The following IL4R variants were observed in gnomAD, a reference collection of about 807,000 sequenced individuals.
IL4R encodes the protein interleukin-4 receptor subunit alpha.
Under a neutral mutation model 41.5 loss-of-function variants are expected in IL4R, and 17 were observed. The ratio of observed to expected loss-of-function variants is 0.41; its 90% CI spans 0.28 to 0.61. IL4R has a LOEUF of 0.61. IL4R is among the 20% of genes least tolerant of loss of function. IL4R has a pLI of 0.31. For missense variants in IL4R, 974 were observed against 1,043.1 expected (o/e 0.93, Z 0.91); for synonymous variants, 402 against 422.9 (o/e 0.95, Z 0.61).
Position 27,355,970 on chromosome 16 carries a change from C to G in IL4R, c.770+63C>G, listed in dbSNP as rs1335924037. On this transcript the variant is annotated intron_variant, in intron 8 of 10. Coordinates refer to ENST00000395762, the MANE Select transcript of IL4R (RefSeq NM_000418.4). The stretch of plus-strand genomic sequence containing the variant: ...GGAGTGCAGGGTGGCAGGGACTTGC[C>G]CCTCTAGTCTGCCCCTTTGCAGTCC... The G allele has an allele frequency of 3.6e-6, 4 of 1,120,164 alleles. No individual in the cohort carries two copies. In the East Asian group the frequency reaches 7.0e-5, roughly 20 times the overall value. 69.4% of individuals were successfully genotyped at this position (1,120,164 alleles called of 1,614,324 possible). A position where few individuals can be genotyped will look rare whatever the true frequency, so the allele number is the denominator to read the frequency against.
intron 1 of IL4R, among the ~76,000 whole-genome samples, chr16:27,322,103 G>GTTT (rs10631013): frequency 0.01 from 1,503 of 145,178 alleles, 30 homozygotes; most frequent in African/African-American, 0.034. Flanking sequence ...TCACTATGTG[G>GTTT]TTTTTTTTTT....
rs574261130 is a variant in IL4R, at chr16:27,347,537, C to A, written c.513+919C>A. Among the ~76,000 whole-genome samples, 105 of 152,248 alleles carry A rather than the reference C, an allele frequency of 6.9e-4. 1 individual carries two copies. The highest frequency in any genetic ancestry group is 2.1e-3 in the African/African-American group (86 of 41,538). ...CATGTATTGACATCTTTAAAAAGGG[C>A]GAGAGGATTTACAGGAAACTATCAG... On this transcript the variant is annotated intron_variant, in intron 6 of 10. Coordinates refer to ENST00000395762, the MANE Select transcript of IL4R (RefSeq NM_000418.4).
At chr16:27,346,401 G>A (rs201608794) in intron 5 of IL4R, 66 bp from the exon 6 acceptor site, 247 of 1,564,280 alleles carry the variant, frequency 1.6e-4, no homozygotes, top group Middle Eastern at 3.9e-4. Flanking sequence ...TTTGTAGGCC[G>A]GGGCTGGGCT....
chr16:27,332,629 G>T (rs1237719131), intron 2 of IL4R, among the ~76,000 whole-genome samples: 6 of 151,740 alleles, frequency 4.0e-5, no homozygotes, highest in African/African-American at 1.2e-4. Flanking sequence ...ACCAATTTTT[G>T]ATTTCATTGA....
At chr16:27,316,203 C>CA (rs919180449) in intron 1 of IL4R, among the ~76,000 whole-genome samples, 1 of 151,760 alleles carries the variant, frequency 6.6e-6, no homozygotes, top group African/African-American at 2.4e-5. Context: ...CCTGTTCCTA[C>CA]AAAAAAAATT....
intron 1 of IL4R, among the ~76,000 whole-genome samples, chr16:27,320,624 G>A (rs2084787047): frequency 6.6e-6 from 1 of 152,240 alleles, no homozygotes; most frequent in South Asian, 2.1e-4. Context: ...CCAGCCCAAA[G>A]AGGAGAGTTT....
At chr16:27,362,221 A>C (rs1188494315) in intron 10 of IL4R, 31 bp from the exon 11 acceptor site, 1 of 1,605,162 alleles carries the variant, frequency 6.2e-7, no homozygotes, top group Admixed American at 1.7e-5. Flanking sequence ...AAGTGTCGAA[A>C]CTGAACCCTG....
In IL4R at chr16:27,362,446, T is replaced by C; in HGVS notation, c.1094T>C (p.Phe365Ser). 1 of 1,613,982 alleles carries C rather than the reference T, an allele frequency of 6.2e-7. No individual in the cohort carries two copies. Among genetic ancestry groups the C allele is most frequent in the Non-Finnish European group, 8.5e-7 (1 of 1,179,980 alleles). Residue 365 changes from phenylalanine (F) to serine (S), a missense_variant, in exon 11 of 11, where the codon TTT becomes TCT. Around this residue, in one of 3 missense-constraint regions of IL4R, gnomAD observed 682 missense variants for 704.3 expected, o/e 0.97. Transcript: ENST00000395762. ...SISVVRCVEL[F>S]EAPVECEEEE... The stretch of plus-strand genomic sequence containing the variant: ...AGCGTGGTGCGATGTGTGGAGTTGT[T>C]TGAGGCCCCGGTGGAGTGTGAGGAG...
In IL4R at chr16:27,355,067, C is replaced by T. The variant is rs76032094; in HGVS notation, c.671-741C>T. The T allele has an allele frequency of 8.9e-6, 4 of 450,904 alleles. No individual in the cohort carries two copies. In the East Asian group the frequency reaches 2.2e-4, roughly 25 times the overall value. The allele number at this position is 450,904 out of a possible 1,614,324, so 27.9% of individuals were successfully genotyped here. ...TACATGGCTAGCCCTGTGCTAGACA[C>T]TGGGGAATCGGCGATGAACAAAGCA... On this transcript the variant is annotated intron_variant, in intron 7 of 10. Transcript: ENST00000395762.
At chr16:27,344,253 C>T (rs921007298) in intron 4 of IL4R, among the ~76,000 whole-genome samples, 4 of 150,046 alleles carry the variant, frequency 2.7e-5, no homozygotes, top group Admixed American at 1.3e-4. Flanking sequence ...TGCAGTGAGC[C>T]GAGATCACAT....
In IL4R at chr16:27,352,524, C is replaced by G; in HGVS notation, c.514-16C>G. 1 of 1,612,650 alleles carries G rather than the reference C, an allele frequency of 6.2e-7. No individual in the cohort carries two copies. The highest frequency in any genetic ancestry group is 8.5e-7 in the Non-Finnish European group (1 of 1,178,776). ...GCCCCCGGCTGGTGCCCTAACATCT[C>G]CCTTTTCTCTACCAGTTCAGAATCT... On this transcript the variant is annotated splice_polypyrimidine_tract_variant and intron_variant, in intron 6 of 10. Transcript: ENST00000395762.
At position 27,362,423 on chromosome 16, in the gene IL4R, C is replaced by T. The variant is rs1252045156; in HGVS notation, c.1071C>T (p.Ser357=). The T allele has an allele frequency of 1.8e-5, 29 of 1,613,904 alleles. No homozygotes were observed. The East Asian group carries it at 3.3e-4, about 19-fold the overall frequency. ...CAGTCCTCTGGCCAGAGAGCATCAGCGTGGTGCGATGTGTGGAGTTGTTTG... is the reference window on the plus strand; with the variant it reads ...CAGTCCTCTGGCCAGAGAGCATCAGTGTGGTGCGATGTGTGGAGTTGTTTG... ...SKTVLWPESI[S]VVRCVELFEA... The change falls in exon 11 of 11, where the codon AGC becomes AGT. Residue 357 remains serine, a synonymous_variant. Coordinates refer to ENST00000395762, the MANE Select transcript of IL4R (RefSeq NM_000418.4).
chr16:27,345,137 T>A lies in IL4R; in HGVS notation c.361+117T>A. Reference sequence around the variant, plus strand: ...ATAGCAACAGCAGGAGGAAGCCGCCTGTATTTTCCCAAATCTGATGGGATT... The same window carrying A: ...ATAGCAACAGCAGGAGGAAGCCGCCAGTATTTTCCCAAATCTGATGGGATT... On this transcript the variant is annotated intron_variant, in intron 5 of 10. Coordinates refer to ENST00000395762, the MANE Select transcript of IL4R (RefSeq NM_000418.4). The surrounding 1 kb of genome is among the most constrained non-coding windows in gnomAD (Gnocchi z 4.5). 1 of 1,136,978 alleles carries A rather than the reference T, an allele frequency of 8.8e-7. No individual in the cohort carries two copies. Among genetic ancestry groups the A allele is most frequent in the Non-Finnish European group, 1.3e-6 (1 of 780,908 alleles). 70.4% of individuals were successfully genotyped at this position (1,136,978 alleles called of 1,614,324 possible). A position where few individuals can be genotyped will look rare whatever the true frequency, so the allele number is the denominator to read the frequency against.
intron 1 of IL4R, among the ~76,000 whole-genome samples, chr16:27,321,068 C>T (rs1389438331): frequency 1.3e-5 from 2 of 151,996 alleles, no homozygotes; most frequent in Non-Finnish European, 2.9e-5. Flanking sequence ...CTCAACCTCC[C>T]GAGTAGCTGG....
intron 2 of IL4R, among the ~76,000 whole-genome samples, chr16:27,335,090 A>G (rs985695959): frequency 2.6e-5 from 4 of 151,966 alleles, no homozygotes; most frequent in Non-Finnish European, 5.9e-5. Context: ...CTTGGTGTAC[A>G]TTTGTCTGAC....
intron 8 of IL4R, among the ~76,000 whole-genome samples, chr16:27,357,605 A>G (rs1183444862): frequency 6.6e-6 from 1 of 152,058 alleles, no homozygotes; most frequent in African/African-American, 2.4e-5. Context: ...CTGGGATTAC[A>G]GGCGTGTGCC....
intron 8 of IL4R, among the ~76,000 whole-genome samples, chr16:27,358,013 C>T (rs951130740): frequency 6.6e-6 from 1 of 152,098 alleles, no homozygotes; most frequent in African/African-American, 2.4e-5. Context: ...CCTGCCTCAG[C>T]CTCCTGAGTA....
At position 27,363,634 on chromosome 16, in the gene IL4R, C is replaced by T. The variant is rs774363050; in HGVS notation, c.2282C>T (p.Ala761Val). The change falls in exon 11 of 11, where the codon GCC (alanine) becomes GTC (valine). Residue 761 changes from alanine (A) to valine (V), a missense_variant. Physicochemically the swap from Ala to Val is moderately conservative, Grantham distance 64. Around this residue, in one of 3 missense-constraint regions of IL4R, gnomAD observed 682 missense variants for 704.3 expected, o/e 0.97. Transcript: ENST00000395762. ...RSSPPTTPLRAPDPSPGGVPL... is the reference protein window; with the variant it reads ...RSSPPTTPLRVPDPSPGGVPL... Reference sequence around the variant, plus strand: ...TCGCCCCCTACAACCCCCCTGAGGGCCCCAGACCCCTCTCCAGGTGGGGTT... The same window carrying T: ...TCGCCCCCTACAACCCCCCTGAGGGTCCCAGACCCCTCTCCAGGTGGGGTT... The T allele has an allele frequency of 1.2e-6, 2 of 1,613,472 alleles. No homozygotes were observed. The highest frequency in any genetic ancestry group is 1.1e-5 in the South Asian group (1 of 91,068).
At chr16:27,341,313 G>A (rs779470133) in intron 3 of IL4R, 9 of 608,354 alleles carry the variant, frequency 1.5e-5, no homozygotes, top group African/African-American at 1.3e-4. Flanking sequence ...CAGAAGAGAA[G>A]GTACTTTGGG....
Sources: gnomAD v4.1 joint callset for allele counts (sites outside exome capture counted in the v4.1 genomes callset) on GRCh38, gnomAD v4.1.1 for gene constraint, gnomAD v4.1.1 regional missense constraint, Gnocchi (gnomAD v3.1) non-coding constraint, MANE v1.5 for transcripts, NCBI Gene and HGNC (gene_info 2026-07-23, HGNC 2026-07-21) for gene names.